TMEM39B: variants seen among roughly 807,000 people sequenced by gnomAD.
The protein encoded by TMEM39B is transmembrane protein 39B.
In TMEM39B, 23 loss-of-function variants were observed where a neutral mutation model predicts 52.2. The observed-to-expected ratio is 0.44, with a 90% CI of 0.32 to 0.62. The LOEUF is 0.62. Among genes scored for constraint, TMEM39B ranks in the 20% least tolerant of loss-of-function variants. TMEM39B has a pLI of 0.06. For synonymous variants in TMEM39B, 285 were observed against 264.0 expected (o/e 1.08, Z -0.77); for missense variants, 547 against 642.0 (o/e 0.85, Z 1.60).
intron 5 of TMEM39B, among the ~76,000 whole-genome samples, chr1:32,078,993 A>G (rs1441773709): frequency 6.6e-6 from 1 of 152,026 alleles, no homozygotes; most frequent in Non-Finnish European, 1.5e-5. Context: ...ATGATGTACA[A>G]TTTACCACAC....
chr1:32,098,605 C>T (rs1033749429), intron 7 of TMEM39B, among the ~76,000 whole-genome samples: 3 of 151,914 alleles, frequency 2.0e-5, no homozygotes, highest in Non-Finnish European at 4.4e-5. Context: ...CAGTGGCGGG[C>T]GCCTGTAGTC....
At chr1:32,102,301 T>G in intron 8 of TMEM39B, 130 bp from the exon 9 acceptor site, 1 of 1,281,086 alleles carries the variant, frequency 7.8e-7, no homozygotes, top group Non-Finnish European at 1.1e-6. Flanking sequence ...CCCCAGAAAG[T>G]CTTCTTCCCC....
chr1:32,087,092 C>T (rs1486261593), intron 5 of TMEM39B: 2 of 151,904 alleles, frequency 1.3e-5, no homozygotes, highest in Admixed American at 6.6e-5. Context: ...CGCAACACAG[C>T]AAGACCCTGT....
At chr1:32,097,879 G>A (rs752403125) in intron 7 of TMEM39B, among the ~76,000 whole-genome samples, 2 of 151,718 alleles carry the variant, frequency 1.3e-5, no homozygotes, top group African/African-American at 4.8e-5. Flanking sequence ...TGATCCATCC[G>A]CCTCAGCCTC....
chr1:32,077,269 C>T lies in TMEM39B; in HGVS notation c.541C>T (p.His181Tyr). The T allele has an allele frequency of 6.2e-7, 1 of 1,614,162 alleles. No homozygotes were observed. The highest frequency in any genetic ancestry group is 8.5e-7 in the Non-Finnish European group (1 of 1,180,040). ...TGWSLCRSLI[H>Y]LFRTYSFLNL... ...CTGGAGTCTGTGCCGATCCCTCATC[C>T]ACCTCTTCAGGACCTACTCCTTCCT... Residue 181 changes from histidine (H) to tyrosine (Y), a missense_variant, in exon 5 of 9, where the codon CAC (histidine) becomes TAC (tyrosine). Physicochemically the swap from His to Tyr is moderately conservative, Grantham distance 83. Coordinates refer to ENST00000336294, the MANE Select transcript of TMEM39B (RefSeq NM_018056.4).
chr1:32,081,940 C>T (rs575370206), intron 5 of TMEM39B, among the ~76,000 whole-genome samples: 5 of 152,142 alleles, frequency 3.3e-5, no homozygotes, highest in African/African-American at 7.2e-5. Flanking sequence ...AAATGTTCTA[C>T]GCATATACAA....
chr1:32,084,800 T>C (rs1160566107), intron 5 of TMEM39B, among the ~76,000 whole-genome samples: 5 of 152,092 alleles, frequency 3.3e-5, no homozygotes, highest in African/African-American at 1.2e-4. Context: ...ACTCCTGACC[T>C]CGTGACCCAC....
In TMEM39B at chr1:32,100,768, G is replaced by A; in HGVS notation, c.1236+206G>A. The stretch of plus-strand genomic sequence containing the variant: ...CGGCCGGGCATGGTGGCTCACGCCT[G>A]TAATCCCAGCACTTTGGGAGACCAA... On this transcript the variant is annotated intron_variant, in intron 8 of 8. Transcript: ENST00000336294. 4.8e-6 allele frequency: 3 copies of A among 622,234 alleles called. No individual in the cohort carries two copies. In the Admixed American group the frequency reaches 8.4e-5, roughly 17 times the overall value. 38.5% of individuals were successfully genotyped at this position (622,234 alleles called of 1,614,324 possible).
In TMEM39B at chr1:32,094,805, C is replaced by A; in HGVS notation, c.949C>A (p.Arg317Ser). The A allele has an allele frequency of 1.9e-6, 3 of 1,614,240 alleles. No homozygotes were observed. The highest frequency in any genetic ancestry group is 2.5e-6 in the Non-Finnish European group (3 of 1,180,048). ...FVKNTHYYDKRWSCELFLLVS... is the reference protein window; with the variant it reads ...FVKNTHYYDKSWSCELFLLVS... Reference sequence around the variant, plus strand: ...CCAGAACACACATTACTATGACAAGCGCTGGTCCTGTGAACTCTTCCTGCT... The same window carrying A: ...CCAGAACACACATTACTATGACAAGAGCTGGTCCTGTGAACTCTTCCTGCT... Residue 317 changes from arginine to serine, a missense_variant, in exon 7 of 9, where the codon CGC becomes AGC. Transcript: ENST00000336294.
At chr1:32,072,775 C>G, upstream of TMEM39B, 1 of 525,800 alleles carries the variant, frequency 1.9e-6, no homozygotes, top group Non-Finnish European at 3.4e-6. Context: ...CCGTTCCCCT[C>G]CCTCTTGAGT....
At chr1:32,075,373 A>G (rs1639809562) in intron 2 of TMEM39B, among the ~76,000 whole-genome samples, 1 of 152,160 alleles carries the variant, frequency 6.6e-6, no homozygotes, top group South Asian at 2.1e-4. Context: ...CCTCATCTGT[A>G]AGATGGACCT....
chr1:32,092,053 C>T, intron 6 of TMEM39B, 42 bp downstream of exon 6: 1 of 1,559,826 alleles, frequency 6.4e-7, no homozygotes, highest in Non-Finnish European at 8.7e-7. Context: ...CTAGCTGGGA[C>T]TTTACCCTGC....
intron 7 of TMEM39B, among the ~76,000 whole-genome samples, chr1:32,096,721 A>G (rs1277586249): frequency 6.6e-6 from 1 of 152,056 alleles, no homozygotes; most frequent in Non-Finnish European, 1.5e-5. Flanking sequence ...CTGGCCTCCC[A>G]AAGTGCTGGG....
At chr1:32,095,116 G>T in intron 7 of TMEM39B, 145 bp downstream of exon 7, 1 of 937,900 alleles carries the variant, frequency 1.1e-6, no homozygotes. Context: ...GTCCAGGGTG[G>T]GGTATGGTGG....
At chr1:32,088,851 T>C (rs1373828673) in intron 5 of TMEM39B, among the ~76,000 whole-genome samples, 4 of 152,022 alleles carry the variant, frequency 2.6e-5, no homozygotes, top group African/African-American at 9.7e-5. Flanking sequence ...TGAAGAGTAT[T>C]TCGGGAATGC....
At position 32,073,054 on chromosome 1, in the gene TMEM39B, G is replaced by A. The variant is rs779224916; in HGVS notation, c.4+3G>A. On this transcript the variant is annotated splice_donor_region_variant and intron_variant, in intron 1 of 8. Coordinates refer to ENST00000336294, the MANE Select transcript of TMEM39B (RefSeq NM_018056.4). Reference sequence around the variant, plus strand: ...AGAGCACCGGGGGGAGGAGATGGGTGAGCAGAGCGGCTCAGGCTCGGCCTG... The same window carrying A: ...AGAGCACCGGGGGGAGGAGATGGGTAAGCAGAGCGGCTCAGGCTCGGCCTG... The A allele has an allele frequency of 1.4e-4, 211 of 1,507,362 alleles. No homozygotes were observed. The Middle Eastern group carries it at 3.1e-3, about 22-fold the overall frequency. 93.4% of individuals were successfully genotyped at this position (1,507,362 alleles called of 1,614,324 possible). A position where few individuals can be genotyped will look rare whatever the true frequency, so the allele number is the denominator to read the frequency against.
intron 5 of TMEM39B, among the ~76,000 whole-genome samples, chr1:32,080,674 CAA>C (rs947127249): frequency 2.7e-4 from 14 of 51,666 alleles, no homozygotes; most frequent in Admixed American, 4.1e-4. Flanking sequence ...GACTCTGTCT[CAA>C]AAAAAAAAAA....
At chr1:32,075,286 C>G (rs905488535) in intron 2 of TMEM39B, among the ~76,000 whole-genome samples, 13 of 152,180 alleles carry the variant, frequency 8.5e-5, no homozygotes, top group African/African-American at 3.1e-4. Context: ...ATCCAAAGGC[C>G]TGGATTCTAA....
At chr1:32,085,784 A>G (rs1009646144) in intron 5 of TMEM39B, among the ~76,000 whole-genome samples, 1 of 151,684 alleles carries the variant, frequency 6.6e-6, no homozygotes, top group Non-Finnish European at 1.5e-5. Context: ...ATTTTCCTCA[A>G]TTTTGTCTTT....
Sources: gnomAD v4.1 joint callset for allele counts (sites outside exome capture counted in the v4.1 genomes callset) on GRCh38, gnomAD v4.1.1 for gene constraint, MANE v1.5 for transcripts, NCBI Gene and HGNC (gene_info 2026-07-23, HGNC 2026-07-21) for gene names.